The following ANKRD33B variants were observed in gnomAD, a reference collection of about 807,000 sequenced individuals.
ANKRD33B encodes ankyrin repeat domain 33B.
A neutral mutation model predicts 21.5 loss-of-function variants in ANKRD33B; 6 were observed. The ratio of observed to expected loss-of-function variants is 0.28; its 90% confidence interval spans 0.15 to 0.55. ANKRD33B has a LOEUF of 0.55. Among genes scored for constraint, ANKRD33B ranks in the 20% least tolerant of loss-of-function variants. The probability of loss-of-function intolerance (pLI) is 0.94; values close to 1 mark genes in which losing one functional copy is unlikely to be tolerated. For missense variants in ANKRD33B, 698 were observed against 747.2 expected (o/e 0.93, Z 0.77); for synonymous variants, 347 against 342.4 (o/e 1.01, Z -0.15).
In ANKRD33B at chr5:10,650,124, G is replaced by C. The variant is rs1211257383; in HGVS notation, c.*11G>C. The C allele has an allele frequency of 1.8e-5, 26 of 1,483,702 alleles. No individual in the cohort carries two copies. The highest frequency in any genetic ancestry group is 2.1e-5 in the Non-Finnish European group (24 of 1,121,488). The allele number at this position is 1,483,702 out of a possible 1,614,324, so 91.9% of individuals were successfully genotyped here. A position where few individuals can be genotyped will look rare whatever the true frequency, so the allele number is the denominator to read the frequency against. ...AAGAAGAGGACGTGAGGGCCCGTGT[G>C]CCTGGCGCTGGGGCCGGGGCTGGGG... is the stretch of plus-strand genomic sequence containing the variant. On this transcript the variant is annotated 3_prime_UTR_variant, in exon 4 of 4. Transcript: ENST00000296657.
At chr5:10,630,519 G>A (rs1216581223) in intron 2 of ANKRD33B, among the ~76,000 whole-genome samples, 1 of 152,192 alleles carries the variant, frequency 6.6e-6, no homozygotes, top group Non-Finnish European at 1.5e-5. Context: ...GTGCATTGTA[G>A]GAACTAAGGG....
At chr5:10,582,958 G>A (rs1382105258) in intron 1 of ANKRD33B, among the ~76,000 whole-genome samples, 1 of 149,064 alleles carries the variant, frequency 6.7e-6, no homozygotes. Context: ...CCGGCAGTTT[G>A]TCGCACATGG....
chr5:10,613,639 G>A (rs982922644), intron 1 of ANKRD33B, among the ~76,000 whole-genome samples: 13 of 152,016 alleles, frequency 8.6e-5, no homozygotes, highest in Non-Finnish European at 1.6e-4. Flanking sequence ...GGTGGCTCAC[G>A]CCTGTAATCC....
chr5:10,565,890 T>C (rs958183373), intron 1 of ANKRD33B, among the ~76,000 whole-genome samples: 6 of 152,230 alleles, frequency 3.9e-5, no homozygotes, highest in Non-Finnish European at 7.3e-5. Flanking sequence ...AGCCTGCAGC[T>C]GACAGAAAAC....
Position 10,651,887 on chromosome 5 carries a change from G to A in ANKRD33B, c.*1774G>A, listed in dbSNP as rs535227643. The stretch of plus-strand genomic sequence containing the variant: ...GAGATTGGTGTGTTGATGATACAGT[G>A]TTTAAGATGAGATTGCAGTGAGTTC... On this transcript the variant is annotated 3_prime_UTR_variant, in exon 4 of 4. Coordinates refer to ENST00000296657, the MANE Select transcript of ANKRD33B (RefSeq NM_001164440.2). 6.6e-6 allele frequency: 1 copy of A among 152,572 alleles called. No individual in the cohort carries two copies. The highest frequency in any genetic ancestry group is 1.9e-4 in the East Asian group (1 of 5,324). 9.5% of individuals were successfully genotyped at this position (152,572 alleles called of 1,614,324 possible). A position where few individuals can be genotyped will look rare whatever the true frequency, so the allele number is the denominator to read the frequency against.
intron 2 of ANKRD33B, 126 bp downstream of exon 2, chr5:10,618,588 G>T: frequency 7.4e-7 from 1 of 1,351,088 alleles, no homozygotes; most frequent in Non-Finnish European, 9.8e-7. Context: ...CTACCAAGGG[G>T]TGCCAGGGAA....
intron 1 of ANKRD33B, among the ~76,000 whole-genome samples, chr5:10,595,637 G>C (rs1355570880): frequency 6.6e-6 from 1 of 152,218 alleles, no homozygotes; most frequent in East Asian, 1.9e-4. Flanking sequence ...CTGAAGGAGA[G>C]GGGTTCAGAA....
chr5:10,632,552 C>T (rs1311545092), intron 2 of ANKRD33B, among the ~76,000 whole-genome samples: 1 of 152,144 alleles, frequency 6.6e-6, no homozygotes, highest in Non-Finnish European at 1.5e-5. Context: ...CATTTAGGAG[C>T]TCTCTGAATC....
In ANKRD33B at chr5:10,638,177, A is replaced by G; in HGVS notation, c.637+9A>G. 1.3e-6 allele frequency: 2 copies of G among 1,537,212 alleles called. No individual in the cohort carries two copies. The highest frequency in any genetic ancestry group is 2.4e-5 in the East Asian group (1 of 41,058). ...AGCCCTGATGCTAGCAGGTATGTCC[A>G]CCTGTCCTGTGCAGCTTCCAGGGGC... On this transcript the variant is annotated intron_variant, in intron 3 of 3. Transcript: ENST00000296657.
At chr5:10,598,353 G>A (rs1735861328) in intron 1 of ANKRD33B, among the ~76,000 whole-genome samples, 1 of 151,992 alleles carries the variant, frequency 6.6e-6, no homozygotes, top group African/African-American at 2.4e-5. Flanking sequence ...GGCAACCTCT[G>A]CCTCCTGGGT....
rs1174724681 is a variant in ANKRD33B at position 10,587,287 on chromosome 5, G to T, written c.366+22454G>T. ...GGCTAATTTTTGTATTTTTAGTAAT[G>T]ACGGGGTTTCACCATGTTGGCCAGA... On this transcript the variant is annotated intron_variant, in intron 1 of 3. Coordinates refer to ENST00000296657, the MANE Select transcript of ANKRD33B (RefSeq NM_001164440.2). 3.3e-5 allele frequency among the ~76,000 whole-genome samples: 5 copies of T among 152,058 alleles called. No homozygotes were observed. The South Asian group carries it at 1.0e-3, about 31-fold the overall frequency.
At chr5:10,642,781 G>A (rs560410725) in intron 3 of ANKRD33B, among the ~76,000 whole-genome samples, 1 of 152,220 alleles carries the variant, frequency 6.6e-6, no homozygotes, top group Admixed American at 6.5e-5. Context: ...AATACGGTTT[G>A]TTTTTCCCTT....
chr5:10,587,522 A>G (rs554953500), intron 1 of ANKRD33B, among the ~76,000 whole-genome samples: 27 of 151,564 alleles, frequency 1.8e-4, no homozygotes, highest in African/African-American at 6.0e-4. Context: ...AATATTTATT[A>G]GGTATTTTAT....
chr5:10,624,695 AT>A (rs1366171172), intron 2 of ANKRD33B: 2 of 452,342 alleles, frequency 4.4e-6, no homozygotes, highest in East Asian at 7.0e-5. Flanking sequence ...TGCCGAAGAG[AT>A]TTTCCCTAAT....
chr5:10,642,626 G>C (rs79778171), intron 3 of ANKRD33B, among the ~76,000 whole-genome samples: 1,687 of 152,288 alleles, frequency 0.011, 29 homozygotes, highest in African/African-American at 0.038. Flanking sequence ...GGTGGGATGC[G>C]GATTGGGCAC....
chr5:10,583,660 G>A (rs753439591), intron 1 of ANKRD33B, among the ~76,000 whole-genome samples: 1 of 152,128 alleles, frequency 6.6e-6, no homozygotes, highest in African/African-American at 2.4e-5. Flanking sequence ...GGCACGCCTC[G>A]CTGCTCTCTC....
rs984736228 is a variant in ANKRD33B at position 10,567,014 on chromosome 5, C to T, written c.366+2181C>T. ...TTCTGCCAGGCAAGGCTTTTTCTCTCGCTGCTTTTCTTCCCCTTTGATTAC... is the reference window on the plus strand; with the variant it reads ...TTCTGCCAGGCAAGGCTTTTTCTCTTGCTGCTTTTCTTCCCCTTTGATTAC... On this transcript the variant is annotated intron_variant, in intron 1 of 3. Coordinates refer to ENST00000296657, the MANE Select transcript of ANKRD33B (RefSeq NM_001164440.2). Among the ~76,000 whole-genome samples, 65 of 152,164 alleles carry T rather than the reference C, an allele frequency of 4.3e-4. 1 individual carries two copies. The highest frequency in any genetic ancestry group is 2.1e-4 in the South Asian group (1 of 4,816).
intron 3 of ANKRD33B, among the ~76,000 whole-genome samples, chr5:10,641,316 C>T (rs1490258842): frequency 6.6e-6 from 1 of 150,598 alleles, no homozygotes; most frequent in Non-Finnish European, 1.5e-5. Flanking sequence ...GCAACCTCCA[C>T]CTCCCGGGTT....
In ANKRD33B at chr5:10,616,362, C is replaced by T. The variant is rs543804315; in HGVS notation, c.367-1971C>T. 3.4e-4 allele frequency among the ~76,000 whole-genome samples: 51 copies of T among 151,890 alleles called. No individual in the cohort carries two copies. The South Asian group carries it at 5.6e-3, about 17-fold the overall frequency. On this transcript the variant is annotated intron_variant, in intron 1 of 3. Transcript: ENST00000296657. ...TGGGTAGATCACGAGGTCAGGAGTT[C>T]GAGACCACCCTGACCAACATGATGA... is the stretch of plus-strand genomic sequence containing the variant.
Sources: gnomAD v4.1 joint callset for allele counts (sites outside exome capture counted in the v4.1 genomes callset) on GRCh38, gnomAD v4.1.1 for gene constraint, MANE v1.5 for transcripts, NCBI Gene and HGNC (gene_info 2026-07-23, HGNC 2026-07-21) for gene names.